The following NEBL variants were observed in gnomAD, a reference collection of about 807,000 sequenced individuals.
The protein encoded by NEBL is LIM and SH3 protein 2.
Under a neutral mutation model 140.2 loss-of-function variants are expected in NEBL, and 122 were observed. The observed-to-expected ratio is 0.87, with a 90% CI of 0.75 to 1.01. The LOEUF (loss-of-function observed/expected upper bound fraction) is 1.01. Ranked by LOEUF, NEBL falls within the 50% of genes least tolerant of loss-of-function variation. The pLI is 0.00. For synonymous variants in NEBL, 436 were observed against 398.9 expected, an observed-to-expected ratio of 1.09 and a Z score of -1.11; for missense variants, 1,365 against 1,231.3, an observed-to-expected ratio of 1.11 and a Z score of -1.62.
chr10:20,821,129 T>A (rs1007972875), intron 19 of NEBL, among the ~76,000 whole-genome samples: 5 of 152,218 alleles, frequency 3.3e-5, no homozygotes, highest in Non-Finnish European at 7.3e-5. Context: ...AGGGGTTACA[T>A]CTGAATAGTA....
chr10:20,836,122 G>A (rs1158316507), intron 13 of NEBL, among the ~76,000 whole-genome samples: 1 of 151,668 alleles, frequency 6.6e-6, no homozygotes. Flanking sequence ...TGCTTGTCAA[G>A]CAAGCCTATC....
chr10:20,816,151 A>C (rs190576583), intron 21 of NEBL, among the ~76,000 whole-genome samples: 1 of 152,286 alleles, frequency 6.6e-6, no homozygotes, highest in Non-Finnish European at 1.5e-5. Context: ...TTGTATTTAA[A>C]ATGCTGGCAT....
intron 11 of NEBL, among the ~76,000 whole-genome samples, chr10:20,845,658 C>A (rs1480632101): frequency 6.6e-6 from 1 of 152,018 alleles, no homozygotes; most frequent in Non-Finnish European, 1.5e-5. Context: ...GGAGGAGAAC[C>A]AACAAGACTG....
At chr10:21,143,747 AG>A (rs1839757509) in intron 2 of NEBL, among the ~76,000 whole-genome samples, 2 of 152,166 alleles carry the variant, frequency 1.3e-5, no homozygotes, top group African/African-American at 4.8e-5. Context: ...GACTTGAACC[AG>A]AGAGCTCTGA....
intron 1 of NEBL, among the ~76,000 whole-genome samples, chr10:21,268,985 T>C (rs1842830353): frequency 6.6e-6 from 1 of 152,136 alleles, no homozygotes; most frequent in Non-Finnish European, 1.5e-5. Flanking sequence ...TTAGCTTAGG[T>C]ACTTTAATCA....
chr10:20,948,409 T>C (rs1564457503), intron 4 of NEBL, among the ~76,000 whole-genome samples: 1 of 152,176 alleles, frequency 6.6e-6, no homozygotes, highest in Non-Finnish European at 1.5e-5. Flanking sequence ...CTTTTATAAA[T>C]ACCAAAAAAT....
intron 3 of NEBL, among the ~76,000 whole-genome samples, chr10:21,224,487 G>A (rs1015671213): frequency 6.6e-6 from 1 of 151,924 alleles, no homozygotes; most frequent in Non-Finnish European, 1.5e-5. Flanking sequence ...GGATAGTTTT[G>A]GCTATTCTGG....
chr10:21,280,017 C>A (rs761994699), intron 1 of NEBL, among the ~76,000 whole-genome samples: 1 of 151,992 alleles, frequency 6.6e-6, no homozygotes, highest in Non-Finnish European at 1.5e-5. Context: ...GCTTCTCTGC[C>A]GCTTAAGAGA....
At chr10:21,285,273 G>C (rs923411148) in intron 1 of NEBL, among the ~76,000 whole-genome samples, 1 of 152,160 alleles carries the variant, frequency 6.6e-6, no homozygotes, top group Non-Finnish European at 1.5e-5. Context: ...CTAAGCTAAA[G>C]GGAAAAATCA....
At chr10:20,950,399 T>A (rs1835400228) in intron 4 of NEBL, among the ~76,000 whole-genome samples, 1 of 152,178 alleles carries the variant, frequency 6.6e-6, no homozygotes, top group Non-Finnish European at 1.5e-5. Flanking sequence ...AGGAATGGGA[T>A]CTCTCCCTGC....
At chr10:20,947,526 T>C (rs1276322942) in intron 4 of NEBL, among the ~76,000 whole-genome samples, 1 of 152,194 alleles carries the variant, frequency 6.6e-6, no homozygotes, top group East Asian at 1.9e-4. Context: ...ACTAAATATT[T>C]AACTTCTAAA....
At chr10:20,999,935 G>A (rs766182727) in intron 3 of NEBL, among the ~76,000 whole-genome samples, 10 of 151,920 alleles carry the variant, frequency 6.6e-5, no homozygotes, top group Admixed American at 2.0e-4. Flanking sequence ...GATGCAAACC[G>A]TAATGACTAA....
chr10:21,075,489 T>C (rs1836022314), intron 2 of NEBL, among the ~76,000 whole-genome samples: 1 of 152,208 alleles, frequency 6.6e-6, no homozygotes, highest in Non-Finnish European at 1.5e-5. Flanking sequence ...CTACACCTGA[T>C]AGCAATGATT....
chr10:20,987,270 T>TC (rs1372210529), intron 3 of NEBL, among the ~76,000 whole-genome samples: 4 of 152,086 alleles, frequency 2.6e-5, no homozygotes, highest in African/African-American at 9.7e-5. Context: ...GGACAATGTT[T>TC]CCCTTGAAGC....
chr10:21,056,415 AAAAG>A (rs891704632), intron 2 of NEBL, among the ~76,000 whole-genome samples: 1 of 152,232 alleles, frequency 6.6e-6, no homozygotes, highest in Admixed American at 6.5e-5. Context: ...GACCTGCAAA[AAAAG>A]ATAGACTGAC....
chr10:20,909,110 G>A (rs968540069), intron 4 of NEBL, among the ~76,000 whole-genome samples: 7 of 150,400 alleles, frequency 4.7e-5, no homozygotes, highest in African/African-American at 1.7e-4. Flanking sequence ...TGGAGAATGG[G>A]GCATCCATCC....
chr10:21,196,339 T>G (rs996655211), intron 3 of NEBL, among the ~76,000 whole-genome samples: 29 of 148,566 alleles, frequency 2.0e-4, no homozygotes, highest in African/African-American at 6.7e-4. Context: ...ATTTATTTAT[T>G]TATTTATTTA....
chr10:20,961,449 G>A (rs922963088), intron 4 of NEBL, among the ~76,000 whole-genome samples: 1 of 152,068 alleles, frequency 6.6e-6, no homozygotes, highest in African/African-American at 2.4e-5. Context: ...CATTCAAAAT[G>A]GAATAAGGAG....
chr10:21,178,355 G>A (rs529121775), upstream of NEBL, among the ~76,000 whole-genome samples: 66 of 152,282 alleles, frequency 4.3e-4, no homozygotes, highest in African/African-American at 1.5e-3. Context: ...ATAAAATCTA[G>A]TGGGACTGAT....
Sources: allele counts gnomAD v4.1 joint callset (sites outside exome capture counted in the v4.1 genomes callset), GRCh38; gene constraint gnomAD v4.1.1; transcripts MANE v1.5; gene names NCBI Gene and HGNC (gene_info 2026-07-23, HGNC 2026-07-21).